Variants in ERC2 observed in about 807,000 individuals in gnomAD.
ERC2 encodes ERC protein 2.
A neutral mutation model predicts 114.8 loss-of-function variants in ERC2; 42 were observed. The ratio of observed to expected loss-of-function variants is 0.37; its 90% CI spans 0.29 to 0.47. ERC2 has a LOEUF of 0.47. Among genes scored for constraint, ERC2 ranks in the 20% least tolerant of loss-of-function variants. ERC2 has a pLI of 0.99. For synonymous variants in ERC2, 454 were observed against 425.5 expected (o/e 1.07, Z -0.82); for missense variants, 939 against 1,150.7 (o/e 0.82, Z 2.66).
At chr3:56,334,151 C>T (rs143784743) in intron 2 of ERC2, among the ~76,000 whole-genome samples, 1 of 152,322 alleles carries the variant, frequency 6.6e-6, no homozygotes, top group Non-Finnish European at 1.5e-5. Flanking sequence ...CCTTTGGAGA[C>T]AGAGAAACTC....
chr3:56,340,579 T>TGTGTG (rs1576500213), intron 2 of ERC2, among the ~76,000 whole-genome samples: 9 of 150,778 alleles, frequency 6.0e-5, no homozygotes, highest in South Asian at 2.1e-4. Flanking sequence ...TGTGTGTGTG[T>TGTGTG]TTAATCTCAC....
intron 15 of ERC2, among the ~76,000 whole-genome samples, chr3:55,714,800 T>A (rs1318280638): frequency 6.7e-6 from 1 of 149,338 alleles, no homozygotes; most frequent in Non-Finnish European, 1.5e-5. Context: ...CCTTTATTCC[T>A]TTCTATATTA....
At chr3:55,930,792 G>T (rs2066033403) in intron 13 of ERC2, among the ~76,000 whole-genome samples, 1 of 152,048 alleles carries the variant, frequency 6.6e-6, no homozygotes, top group Non-Finnish European at 1.5e-5. Context: ...CACAGCAAAA[G>T]AAACTACCAT....
chr3:56,324,153 T>C (rs1039755291), intron 2 of ERC2, among the ~76,000 whole-genome samples: 9 of 152,196 alleles, frequency 5.9e-5, no homozygotes, highest in African/African-American at 1.9e-4. Context: ...TGCTGGGCTA[T>C]TTTAATCCTG....
chr3:55,873,307 C>T (rs1478454487), intron 14 of ERC2, among the ~76,000 whole-genome samples: 1 of 152,122 alleles, frequency 6.6e-6, no homozygotes, highest in Non-Finnish European at 1.5e-5. Flanking sequence ...AAACACATGG[C>T]CAAACCACAG....
At chr3:55,926,620 T>C (rs756431552) in intron 13 of ERC2, among the ~76,000 whole-genome samples, 2 of 152,168 alleles carry the variant, frequency 1.3e-5, no homozygotes, top group Non-Finnish European at 2.9e-5. Context: ...GGTCTGTCAC[T>C]AGCAAACTGC....
intron 13 of ERC2, among the ~76,000 whole-genome samples, chr3:55,944,876 A>G (rs2067031367): frequency 6.6e-6 from 1 of 152,238 alleles, no homozygotes; most frequent in South Asian, 2.1e-4. Context: ...CTACTCGTCA[A>G]CATTCCTTGT....
intron 3 of ERC2, among the ~76,000 whole-genome samples, chr3:56,253,531 CT>C (rs2150239265): frequency 6.6e-6 from 1 of 152,258 alleles, no homozygotes; most frequent in East Asian, 1.9e-4. Context: ...TGTTGACAAG[CT>C]TTTTTCCCAA....
intron 14 of ERC2, among the ~76,000 whole-genome samples, chr3:55,787,383 C>T (rs2069599689): frequency 6.6e-6 from 1 of 152,026 alleles, no homozygotes; most frequent in Non-Finnish European, 1.5e-5. Flanking sequence ...TGCCACTGCA[C>T]TCCAGCCTGG....
intron 3 of ERC2, among the ~76,000 whole-genome samples, chr3:56,261,698 T>C (rs1303879928): frequency 1.3e-5 from 2 of 151,564 alleles, no homozygotes; most frequent in Admixed American, 6.6e-5. Flanking sequence ...TATTCTTTAC[T>C]TTTTTTTTAA....
chr3:55,628,377 T>C (rs1302312784), intron 17 of ERC2, among the ~76,000 whole-genome samples: 3 of 152,232 alleles, frequency 2.0e-5, no homozygotes, highest in Non-Finnish European at 4.4e-5. Flanking sequence ...TTTAACTAAT[T>C]TGAATGTAAA....
chr3:56,312,837 T>C (rs1207974231), intron 2 of ERC2, among the ~76,000 whole-genome samples: 1 of 151,196 alleles, frequency 6.6e-6, no homozygotes, highest in East Asian at 1.9e-4. Flanking sequence ...AATATACTGG[T>C]TCCTAATTAG....
intron 13 of ERC2, among the ~76,000 whole-genome samples, chr3:55,915,130 G>A (rs1028203167): frequency 3.9e-5 from 6 of 151,990 alleles, no homozygotes; most frequent in Non-Finnish European, 8.8e-5. Context: ...CATTTGTCAG[G>A]ATATTAGTAA....
At chr3:56,108,141 C>A (rs898975805) in intron 6 of ERC2, among the ~76,000 whole-genome samples, 1 of 152,120 alleles carries the variant, frequency 6.6e-6, no homozygotes, top group African/African-American at 2.4e-5. Context: ...GTAAGAAAAG[C>A]TAGTGAGCAC....
chr3:55,846,243 T>C (rs1023962554), intron 14 of ERC2, among the ~76,000 whole-genome samples: 3 of 152,226 alleles, frequency 2.0e-5, no homozygotes, highest in Non-Finnish European at 4.4e-5. Flanking sequence ...TGAGAACATA[T>C]GGTATTTGGT....
intron 15 of ERC2, among the ~76,000 whole-genome samples, chr3:55,733,784 G>A (rs527830638): frequency 5.3e-5 from 8 of 152,282 alleles, no homozygotes; most frequent in African/African-American, 1.9e-4. Context: ...AGCAGGCAGA[G>A]AGCCTGCCCC....
At chr3:56,174,861 C>T (rs1181399756) in intron 3 of ERC2, among the ~76,000 whole-genome samples, 1 of 151,894 alleles carries the variant, frequency 6.6e-6, no homozygotes, top group Non-Finnish European at 1.5e-5. Context: ...GCCTGTAATC[C>T]CAGCTACTTG....
At chr3:56,188,799 T>C (rs553762053) in intron 3 of ERC2, among the ~76,000 whole-genome samples, 231 of 152,306 alleles carry the variant, frequency 1.5e-3, no homozygotes, top group Non-Finnish European at 2.7e-3. Context: ...AGATTTCAGA[T>C]TGGGGCAGTC....
intron 13 of ERC2, among the ~76,000 whole-genome samples, chr3:55,930,009 C>T (rs1310032494): frequency 1.3e-5 from 2 of 152,138 alleles, no homozygotes; most frequent in Non-Finnish European, 2.9e-5. Context: ...AAGGCCAAGG[C>T]ACGTAGATCA....
Sources: allele counts gnomAD v4.1 joint callset (sites outside exome capture counted in the v4.1 genomes callset), GRCh38; gene constraint gnomAD v4.1.1; transcripts MANE v1.5; gene names NCBI Gene and HGNC (gene_info 2026-07-23, HGNC 2026-07-21).